Variants in CCDC24 observed in about 807,000 individuals in gnomAD.
The protein encoded by CCDC24 is coiled-coil domain-containing protein 24.
Under a neutral mutation model 31.6 loss-of-function variants are expected in CCDC24, and 34 were observed. The observed-to-expected ratio is 1.08, with a 90% confidence interval of 0.82 to 1.43. The LOEUF is 1.43. Among genes scored for constraint, CCDC24 ranks in the 40% most tolerant of loss-of-function variants. The probability of loss-of-function intolerance (pLI) is 0.00; values close to 1 mark genes in which losing one functional copy is unlikely to be tolerated. For missense variants in CCDC24, 426 were observed against 391.1 expected, an observed-to-expected ratio of 1.09 and a Z score of -0.75; for synonymous variants, 175 against 157.3, an observed-to-expected ratio of 1.11 and a Z score of -0.84.
At position 43,995,442 on chromosome 1, in the gene CCDC24, G is replaced by A. The variant is rs1343900745; in HGVS notation, c.553-159G>A. The A allele has an allele frequency of 4.8e-6, 4 of 832,434 alleles. No homozygotes were observed. The African/African-American group carries it at 6.9e-5, about 14-fold the overall frequency. The allele number at this position is 832,434 out of a possible 1,614,324, so 51.6% of individuals were successfully genotyped here. ...CCCCACCACTATCTTGCCAAACTCA[G>A]CTCTTCCGCAAGGCTGGTATTCCCT... On this transcript the variant is annotated intron_variant, in intron 6 of 8. Coordinates refer to ENST00000372318, the MANE Select transcript of CCDC24 (RefSeq NM_152499.4). The surrounding 1 kb of genome is among the most constrained non-coding windows in gnomAD (Gnocchi z 4.3).
At chr1:43,991,821 C>A in intron 1 of CCDC24, 26 bp from the exon 2 acceptor site, 1 of 1,542,342 alleles carries the variant, frequency 6.5e-7, no homozygotes, top group Non-Finnish European at 8.7e-7. Flanking sequence ...CGCGGTACCT[C>A]CCGCACTCTG....
In CCDC24 at chr1:43,992,288, C is replaced by T. The variant is rs374280994; in HGVS notation, c.203C>T (p.Ser68Phe). ...AGCTCCCGCCCCATCTCTGACCCCT[C>T]TTCTCTTCTGGCACCACCGCCTCTC... ...APSSRPISDP[S>F]SLLAPPPLLK... The change falls in exon 3 of 9, where the codon TCT (serine) becomes TTT (phenylalanine). Residue 68 changes from serine (S) to phenylalanine (F), a missense_variant. Physicochemically the swap from Ser to Phe is radical, Grantham distance 155. Coordinates refer to ENST00000372318, the MANE Select transcript of CCDC24 (RefSeq NM_152499.4). 2 of 1,614,050 alleles carry T rather than the reference C, an allele frequency of 1.2e-6. No homozygotes were observed. The highest frequency in any genetic ancestry group is 2.7e-5 in the African/African-American group (2 of 74,904).
Position 43,995,496 on chromosome 1 carries a change from G to T in CCDC24, c.553-105G>T. The T allele has an allele frequency of 8.1e-7, 1 of 1,237,684 alleles. No individual in the cohort carries two copies. 76.7% of individuals were successfully genotyped at this position (1,237,684 alleles called of 1,614,324 possible). ...GAACGTGGCTGCCCTCACGGTGGAT[G>T]GGCTGAAGGGGCTGCACGGGCCTGC... is the stretch of plus-strand genomic sequence containing the variant. On this transcript the variant is annotated intron_variant, in intron 6 of 8. Transcript: ENST00000372318. The surrounding 1 kb of genome is among the most constrained non-coding windows in gnomAD (Gnocchi z 4.3).
chr1:43,995,360 C>T lies in CCDC24; in HGVS notation c.552+198C>T, dbSNP rs1162428944. ...AGGATTCTAGTTGAGCCCTTAAGGC[C>T]AGGGCCAACCGTTTTAGGTCTTTTG... On this transcript the variant is annotated intron_variant, in intron 6 of 8. Coordinates refer to ENST00000372318, the MANE Select transcript of CCDC24 (RefSeq NM_152499.4). This position sits in a 1 kb window ranked among gnomAD's most constrained non-coding sequence, Gnocchi z 4.3. 3.3e-5 allele frequency: 24 copies of T among 718,246 alleles called. No homozygotes were observed. Among genetic ancestry groups the T allele is most frequent in the Non-Finnish European group, 5.0e-5 (22 of 440,330 alleles). 44.5% of individuals were successfully genotyped at this position (718,246 alleles called of 1,614,324 possible).
chr1:43,991,849 C>T lies in CCDC24; in HGVS notation c.-30C>T, dbSNP rs771158217. 4.5e-6 allele frequency: 7 copies of T among 1,547,630 alleles called. No homozygotes were observed. The African/African-American group carries it at 6.8e-5, about 15-fold the overall frequency. On this transcript the variant is annotated splice_region_variant and 5_prime_UTR_variant, in exon 2 of 9. Transcript: ENST00000372318. ...GCACTCTGACCTGCGGCCCGTAGGT[C>T]CGAGCCGGGGACGGCGGCGTCGGTG...
intron 4 of CCDC24, 184 bp from the exon 5 acceptor site, chr1:43,993,703 C>T: frequency 1.8e-6 from 1 of 550,144 alleles, no homozygotes; most frequent in Non-Finnish European, 3.3e-6. Context: ...AAGTGATTTG[C>T]CTGAAGTCAC....
Position 43,996,358 on chromosome 1 carries a change from C to G in CCDC24, c.*198C>G. 1.8e-6 allele frequency: 1 copy of G among 558,134 alleles called. No individual in the cohort carries two copies. The highest frequency in any genetic ancestry group is 3.1e-6 in the Non-Finnish European group (1 of 320,074). The allele number at this position is 558,134 out of a possible 1,614,324, so 34.6% of individuals were successfully genotyped here. On this transcript the variant is annotated 3_prime_UTR_variant, in exon 9 of 9. Coordinates refer to ENST00000372318, the MANE Select transcript of CCDC24 (RefSeq NM_152499.4). ...TGTCTGGAGCTGAGTGGCCGGGCATCGGTCCCAAGCATCAAAGCCTTTGGC... is the reference window on the plus strand; with the variant it reads ...TGTCTGGAGCTGAGTGGCCGGGCATGGGTCCCAAGCATCAAAGCCTTTGGC...
rs763947117 is a variant in CCDC24 at position 43,992,385 on chromosome 1, C to T, written c.300C>T (p.Gly100=). ...QGLRHKAICE[G]RDQAQAWVQY... Reference sequence around the variant, plus strand: ...TCCGCCACAAAGCCATCTGTGAGGGCAGGTGGGAGCCTCAGGCCTGGGCCC... The same window carrying T: ...TCCGCCACAAAGCCATCTGTGAGGGTAGGTGGGAGCCTCAGGCCTGGGCCC... Residue 100 remains glycine (G), a splice_region_variant and synonymous_variant, in exon 3 of 9, where the codon GGC becomes GGT. Coordinates refer to ENST00000372318, the MANE Select transcript of CCDC24 (RefSeq NM_152499.4). 1 of 1,614,074 alleles carries T rather than the reference C, an allele frequency of 6.2e-7. No homozygotes were observed. Among genetic ancestry groups the T allele is most frequent in the South Asian group, 1.1e-5 (1 of 91,062 alleles).
intron 4 of CCDC24, 116 bp downstream of exon 4, chr1:43,992,755 C>T: frequency 1.1e-6 from 1 of 875,964 alleles, no homozygotes; most frequent in South Asian, 1.5e-5. Flanking sequence ...GGCACTTCCA[C>T]CGCCACTTGT....
At chr1:43,992,760 A>G (rs2085770142) in intron 4 of CCDC24, 121 bp downstream of exon 4, 7 of 844,490 alleles carry the variant, frequency 8.3e-6, no homozygotes, top group Middle Eastern at 3.2e-4. Flanking sequence ...TTCCACCGCC[A>G]CTTGTGATAG....
Position 43,995,351 on chromosome 1 carries a change from C to G in CCDC24, c.552+189C>G. 1 of 743,122 alleles carries G rather than the reference C, an allele frequency of 1.3e-6. No homozygotes were observed. The highest frequency in any genetic ancestry group is 1.8e-5 in the South Asian group (1 of 54,910). The allele number at this position is 743,122 out of a possible 1,614,324, so 46.0% of individuals were successfully genotyped here. Reference sequence around the variant, plus strand: ...TGGAGGCCCAGGATTCTAGTTGAGCCCTTAAGGCCAGGGCCAACCGTTTTA... The same window carrying G: ...TGGAGGCCCAGGATTCTAGTTGAGCGCTTAAGGCCAGGGCCAACCGTTTTA... On this transcript the variant is annotated intron_variant, in intron 6 of 8. Coordinates refer to ENST00000372318, the MANE Select transcript of CCDC24 (RefSeq NM_152499.4). This position sits in a 1 kb window ranked among gnomAD's most constrained non-coding sequence, Gnocchi z 4.3.
At chr1:43,992,448 CAA>C in intron 3 of CCDC24, 61 bp downstream of exon 3, 1 of 1,612,264 alleles carries the variant, frequency 6.2e-7, no homozygotes, top group Non-Finnish European at 8.5e-7. Flanking sequence ...CTGCCCCTAA[CAA>C]GGAGCCAGGG....
In CCDC24 at chr1:43,995,292, C is replaced by A; in HGVS notation, c.552+130C>A. 2 of 992,614 alleles carry A rather than the reference C, an allele frequency of 2.0e-6. No homozygotes were observed. Among genetic ancestry groups the A allele is most frequent in the Non-Finnish European group, 3.0e-6 (2 of 663,048 alleles). The allele number at this position is 992,614 out of a possible 1,614,324, so 61.5% of individuals were successfully genotyped here. A position where few individuals can be genotyped will look rare whatever the true frequency, so the allele number is the denominator to read the frequency against. Reference sequence around the variant, plus strand: ...CTATGTGAGTCCTGCATCCATTTCTCAGGGGTGCATGCTTGTGTGCACCTG... The same window carrying A: ...CTATGTGAGTCCTGCATCCATTTCTAAGGGGTGCATGCTTGTGTGCACCTG... On this transcript the variant is annotated intron_variant, in intron 6 of 8. Transcript: ENST00000372318. The surrounding 1 kb of genome is among the most constrained non-coding windows in gnomAD (Gnocchi z 4.3).
chr1:43,996,370 T>A lies in CCDC24; in HGVS notation c.*210T>A. On this transcript the variant is annotated 3_prime_UTR_variant, in exon 9 of 9. Coordinates refer to ENST00000372318, the MANE Select transcript of CCDC24 (RefSeq NM_152499.4). ...AGTGGCCGGGCATCGGTCCCAAGCATCAAAGCCTTTGGCCTTTCTCCTCCC... is the reference window on the plus strand; with the variant it reads ...AGTGGCCGGGCATCGGTCCCAAGCAACAAAGCCTTTGGCCTTTCTCCTCCC... 1.8e-6 allele frequency: 1 copy of A among 542,582 alleles called. No homozygotes were observed. The allele number at this position is 542,582 out of a possible 1,614,324, so 33.6% of individuals were successfully genotyped here.
chr1:43,991,726 G>A lies in CCDC24; in HGVS notation c.-53G>A. 9.9e-7 allele frequency: 1 copy of A among 1,012,924 alleles called. No individual in the cohort carries two copies. The highest frequency in any genetic ancestry group is 1.5e-6 in the Non-Finnish European group (1 of 669,144). The allele number at this position is 1,012,924 out of a possible 1,614,324, so 62.7% of individuals were successfully genotyped here. ...TCCGGAACGGGCAATCCCAGCCGAG[G>A]GGACCAGCGGCAGAGCACGGGTGGG... On this transcript the variant is annotated 5_prime_UTR_variant, in exon 1 of 9. Transcript: ENST00000372318.
intron 2 of CCDC24, 100 bp downstream of exon 2, chr1:43,992,104 T>G (rs2085755493): frequency 6.6e-7 from 1 of 1,512,668 alleles, no homozygotes; most frequent in East Asian, 2.3e-5. Context: ...ACTCCCGAGA[T>G]CCTATCCTGG....
At position 43,995,170 on chromosome 1, in the gene CCDC24, G is replaced by A. The variant is rs757292936; in HGVS notation, c.552+8G>A. The stretch of plus-strand genomic sequence containing the variant: ...GAGATCCTCATCCTGCAGGTGAGCC[G>A]CAGCCCTGGGCCCTCCCCCGAGCCT... On this transcript the variant is annotated splice_region_variant and intron_variant, in intron 6 of 8. Transcript: ENST00000372318. The surrounding 1 kb of genome is among the most constrained non-coding windows in gnomAD (Gnocchi z 4.3). The A allele has an allele frequency of 1.2e-5, 19 of 1,561,442 alleles. No homozygotes were observed. Among genetic ancestry groups the A allele is most frequent in the African/African-American group, 4.1e-5 (3 of 73,592 alleles).
rs1025233723 is a variant in CCDC24 at position 43,995,521 on chromosome 1, C to A, written c.553-80C>A. ...GGGCTGAAGGGGCTGCACGGGCCTG[C>A]CCTGGGGATCTTGGCCTCTGTATCC... On this transcript the variant is annotated intron_variant, in intron 6 of 8. Coordinates refer to ENST00000372318, the MANE Select transcript of CCDC24 (RefSeq NM_152499.4). The surrounding 1 kb of genome is among the most constrained non-coding windows in gnomAD (Gnocchi z 4.3). The A allele has an allele frequency of 1.4e-6, 2 of 1,429,140 alleles. No individual in the cohort carries two copies. Among genetic ancestry groups the A allele is most frequent in the Admixed American group, 4.6e-5 (2 of 43,788 alleles). 88.5% of individuals were successfully genotyped at this position (1,429,140 alleles called of 1,614,324 possible). A position where few individuals can be genotyped will look rare whatever the true frequency, so the allele number is the denominator to read the frequency against.
At position 43,991,610 on chromosome 1, in the gene CCDC24, T is replaced by G. The variant is rs904311147; in HGVS notation, c.-169T>G. On this transcript the variant is annotated 5_prime_UTR_variant, in exon 1 of 9. Transcript: ENST00000372318. Reference sequence around the variant, plus strand: ...GATGGCCACGCGGAAGAGGTGGGGCTAGGGCCCTGGTTCCCACTGCCTGGT... The same window carrying G: ...GATGGCCACGCGGAAGAGGTGGGGCGAGGGCCCTGGTTCCCACTGCCTGGT... The G allele has an allele frequency of 2.8e-6, 2 of 701,992 alleles. No homozygotes were observed. The highest frequency in any genetic ancestry group is 3.5e-5 in the African/African-American group (2 of 57,156). 43.5% of individuals were successfully genotyped at this position (701,992 alleles called of 1,614,324 possible). A position where few individuals can be genotyped will look rare whatever the true frequency, so the allele number is the denominator to read the frequency against.
Sources: allele counts gnomAD v4.1 joint callset, GRCh38; gene constraint gnomAD v4.1.1; non-coding constraint Gnocchi (gnomAD v3.1); transcripts MANE v1.5; gene names NCBI Gene and HGNC (gene_info 2026-07-23, HGNC 2026-07-21).